Variants in TTC38 observed in about 807,000 individuals in gnomAD.
The protein encoded by TTC38 is tetratricopeptide repeat protein 38.
In TTC38, 64 loss-of-function variants were observed where a neutral mutation model predicts 64.2. That is an observed-to-expected ratio of 1.00 (90% confidence interval 0.81 to 1.23). The LOEUF is 1.23. TTC38 is among the 50% of genes most tolerant of loss of function. The pLI, the probability that TTC38 is intolerant of heterozygous loss-of-function variation, is 0.00. For missense variants in TTC38, 573 were observed against 615.5 expected, an observed-to-expected ratio of 0.93 and a Z score of 0.73; for synonymous variants, 254 against 249.3, an observed-to-expected ratio of 1.02 and a Z score of -0.18.
chr22:46,269,092 C>CA, intron 2 of TTC38: 1 of 418,250 alleles, frequency 2.4e-6, no homozygotes, highest in South Asian at 1.7e-5. Context: ...ATCTCTGCCC[C>CA]CCCCCCACAG....
intron 6 of TTC38, chr22:46,280,032 A>G (rs1423618002): frequency 6.8e-6 from 3 of 441,942 alleles, no homozygotes; most frequent in Non-Finnish European, 1.4e-5. Context: ...TCCCTTCTCC[A>G]TTGCTCCCCT....
rs555324724 is a variant in TTC38 at position 46,289,898 on chromosome 22, C to T, written c.1315C>T (p.Arg439Trp). ...CTSSVHKNVA[R>W]SLLMERDALK... ...CTCCAGCGTCCATAAGAACGTAGCCCGGTGAGCTCCTGGCCCCTGCCCAGC... is the reference window on the plus strand; with the variant it reads ...CTCCAGCGTCCATAAGAACGTAGCCTGGTGAGCTCCTGGCCCCTGCCCAGC... Residue 439 changes from arginine to tryptophan, a missense_variant and splice_region_variant, in exon 13 of 14, where the codon CGG (arginine) becomes TGG (tryptophan). Around this residue, in one of 3 missense-constraint regions of TTC38, gnomAD observed 371 missense variants for 381.8 expected, o/e 0.97. Transcript: ENST00000381031. The T allele has an allele frequency of 1.1e-5, 18 of 1,613,926 alleles. No homozygotes were observed. The highest frequency in any genetic ancestry group is 1.0e-4 in the Admixed American group (6 of 60,024).
In TTC38 at chr22:46,271,541, G is replaced by T. The variant is rs950668516; in HGVS notation, c.112-794G>T. ...TTTTTTCCTTTTCTCTGTCACCCAG[G>T]CTGGGGTGCAGTGGCACGATCTCAG... On this transcript the variant is annotated intron_variant, in intron 2 of 13. Transcript: ENST00000381031. The surrounding 1 kb of genome is among the most constrained non-coding windows in gnomAD (Gnocchi z 5.5). Among the ~76,000 whole-genome samples, 2 of 152,096 alleles carry T rather than the reference G, an allele frequency of 1.3e-5. No individual in the cohort carries two copies. The highest frequency in any genetic ancestry group is 1.3e-4 in the Admixed American group (2 of 15,274).
Position 46,293,913 on chromosome 22 carries a change from G to C in TTC38, c.*1029G>C, listed in dbSNP as rs2077634918. The C allele has an allele frequency of 6.6e-6, 1 of 152,264 alleles. No individual in the cohort carries two copies. The highest frequency in any genetic ancestry group is 2.1e-4 in the South Asian group (1 of 4,828). 9.4% of individuals were successfully genotyped at this position (152,264 alleles called of 1,614,324 possible). A position where few individuals can be genotyped will look rare whatever the true frequency, so the allele number is the denominator to read the frequency against. On this transcript the variant is annotated 3_prime_UTR_variant, in exon 14 of 14. Transcript: ENST00000381031. The surrounding 1 kb of genome is among the most constrained non-coding windows in gnomAD (Gnocchi z 6.6). ...GGGCAGGAAGCAGGCAGGCCTCTCAGAAGGGAGAGGAGGCCTCCAAATCTA... is the reference window on the plus strand; with the variant it reads ...GGGCAGGAAGCAGGCAGGCCTCTCACAAGGGAGAGGAGGCCTCCAAATCTA...
At chr22:46,286,756 C>T (rs761048544) in intron 9 of TTC38, among the ~76,000 whole-genome samples, 33 of 152,184 alleles carry the variant, frequency 2.2e-4, no homozygotes, top group Non-Finnish European at 3.8e-4. Context: ...GAAACGTGAT[C>T]GGGCAGACAG....
chr22:46,287,780 G>A (rs185632389), intron 10 of TTC38, among the ~76,000 whole-genome samples: 1 of 152,370 alleles, frequency 6.6e-6, no homozygotes, highest in East Asian at 1.9e-4. Context: ...ATGGCAGGCT[G>A]TTTCTAGAGA....
chr22:46,283,851 CAAAAAAAAAAA>C (rs58477670), intron 7 of TTC38, 111 bp from the exon 8 acceptor site: 11 of 210,764 alleles, frequency 5.2e-5, no homozygotes, highest in Middle Eastern at 1.7e-3. Flanking sequence ...GACTTAGTCT[CAAAAAAAAAAA>C]AAAAAAAAAA....
chr22:46,272,422 T>A lies in TTC38; in HGVS notation c.193+6T>A, dbSNP rs373943951. The A allele has an allele frequency of 1.4e-5, 23 of 1,611,476 alleles. No individual in the cohort carries two copies. Among genetic ancestry groups the A allele is most frequent in the Non-Finnish European group, 2.0e-5 (23 of 1,177,980 alleles). ...AGCAGCAGATCCAACCTTTGGTGAG[T>A]AACGCCTTCCCTGGGTGGAGGAGCC... On this transcript the variant is annotated splice_donor_region_variant and intron_variant, in intron 3 of 13. Transcript: ENST00000381031. This position sits in a 1 kb window ranked among gnomAD's most constrained non-coding sequence, Gnocchi z 6.4.
intron 6 of TTC38, among the ~76,000 whole-genome samples, chr22:46,278,910 T>G (rs191348341): frequency 6.6e-6 from 1 of 152,274 alleles, no homozygotes; most frequent in Admixed American, 6.5e-5. Flanking sequence ...CGTCTACAGA[T>G]GAGGTTGATG....
At position 46,268,509 on chromosome 22, in the gene TTC38, T is replaced by G; in HGVS notation, c.34-5T>G. 1 of 1,614,094 alleles carries G rather than the reference T, an allele frequency of 6.2e-7. No individual in the cohort carries two copies. Among genetic ancestry groups the G allele is most frequent in the Non-Finnish European group, 8.5e-7 (1 of 1,180,018 alleles). On this transcript the variant is annotated splice_polypyrimidine_tract_variant and splice_region_variant and intron_variant, in intron 1 of 13. Coordinates refer to ENST00000381031, the MANE Select transcript of TTC38 (RefSeq NM_017931.4). ...GCACTGCTATTCCCTTCTTGCCGTC[T>G]GTAGGCCTGGAAGGATGCGAGGCTC... is the stretch of plus-strand genomic sequence containing the variant.
In TTC38 at chr22:46,273,659, C is replaced by T. The variant is rs181830076; in HGVS notation, c.194-239C>T. On this transcript the variant is annotated intron_variant, in intron 3 of 13. Transcript: ENST00000381031. The surrounding 1 kb of genome is among the most constrained non-coding windows in gnomAD (Gnocchi z 5.1). ...GGAAGGTGCTTTAGACACTGGCACTCAGCAGAATGCCCTCACTAGAAAAAT... is the reference window on the plus strand; with the variant it reads ...GGAAGGTGCTTTAGACACTGGCACTTAGCAGAATGCCCTCACTAGAAAAAT... Among the ~76,000 whole-genome samples, 2 of 152,354 alleles carry T rather than the reference C, an allele frequency of 1.3e-5. No homozygotes were observed. Among genetic ancestry groups the T allele is most frequent in the Admixed American group, 1.3e-4 (2 of 15,306 alleles).
In TTC38 at chr22:46,278,666, G is replaced by A. The variant is rs960023295; in HGVS notation, c.615+5G>A. 3.7e-6 allele frequency: 6 copies of A among 1,613,730 alleles called. No individual in the cohort carries two copies. The African/African-American group carries it at 4.0e-5, about 11-fold the overall frequency. ...GCAGAAAAACTCGCCAAAGAGGTAA[G>A]TGGGTCCTTCCTAAGGTGCCTGACC... On this transcript the variant is annotated splice_donor_5th_base_variant and intron_variant, in intron 6 of 13. Transcript: ENST00000381031.
chr22:46,289,311 C>A, intron 11 of TTC38, 91 bp from the exon 12 acceptor site: 1 of 1,495,526 alleles, frequency 6.7e-7, no homozygotes. Context: ...GGCACTGGAC[C>A]AGGGACACCT....
rs1305810543 is a variant in TTC38, at chr22:46,271,243, C to CT, written c.112-1084dup. ...CTGCCTTTTCTTTCTTTTCTTTTTT[C>CT]TTTTTTTTCTTTTTTGAGACAGAGT... On this transcript the variant is annotated intron_variant, in intron 2 of 13. Transcript: ENST00000381031. This position sits in a 1 kb window ranked among gnomAD's most constrained non-coding sequence, Gnocchi z 5.5. Among the ~76,000 whole-genome samples, 4 of 151,896 alleles carry CT rather than the reference C, an allele frequency of 2.6e-5. No individual in the cohort carries two copies. The highest frequency in any genetic ancestry group is 2.1e-4 in the South Asian group (1 of 4,802).
In TTC38 at chr22:46,282,511, C is replaced by T. The variant is rs569091480; in HGVS notation, c.735+793C>T. ...CAGGGACACAGCGTCGCTCACTCAGCGTTTACTGAATACCTGCTTTGTATT... is the reference window on the plus strand; with the variant it reads ...CAGGGACACAGCGTCGCTCACTCAGTGTTTACTGAATACCTGCTTTGTATT... On this transcript the variant is annotated intron_variant, in intron 7 of 13. Transcript: ENST00000381031. The surrounding 1 kb of genome is among the most constrained non-coding windows in gnomAD (Gnocchi z 4.4). Among the ~76,000 whole-genome samples, 20 of 152,306 alleles carry T rather than the reference C, an allele frequency of 1.3e-4. No homozygotes were observed. The East Asian group carries it at 2.7e-3, about 21-fold the overall frequency.
At chr22:46,289,766 G>A (rs1340693665) in intron 12 of TTC38, 60 bp from the exon 13 acceptor site, 11 of 1,577,856 alleles carry the variant, frequency 7.0e-6, no homozygotes, top group South Asian at 1.1e-5. Context: ...CGCGGTGGGC[G>A]GGGGCTCGCC....
intron 6 of TTC38, among the ~76,000 whole-genome samples, chr22:46,280,645 A>G (rs1484208999): frequency 6.6e-6 from 1 of 152,156 alleles, no homozygotes; most frequent in African/African-American, 2.4e-5. Context: ...TCCCACATGG[A>G]GTGGGCTGGG....
intron 1 of TTC38, 27 bp downstream of exon 1, chr22:46,268,099 TCC>T: frequency 6.5e-7 from 1 of 1,532,222 alleles, no homozygotes; most frequent in Non-Finnish European, 8.7e-7. Context: ...CCCAACCAGG[TCC>T]CCCTCGGGCC....
Position 46,285,221 on chromosome 22 carries a change from G to A in TTC38, c.796-20G>A, listed in dbSNP as rs1401246033. The A allele has an allele frequency of 1.9e-6, 3 of 1,613,804 alleles. No individual in the cohort carries two copies. Among genetic ancestry groups the A allele is most frequent in the Middle Eastern group, 1.6e-4 (1 of 6,062 alleles). On this transcript the variant is annotated intron_variant, in intron 8 of 13. Transcript: ENST00000381031. ...CTTTGCCTTCTCCAGGGTTTAATAA[G>A]GAGAACTTTATTCTTCCAGGGCGAA...
Sources: gnomAD v4.1 joint callset for allele counts (sites outside exome capture counted in the v4.1 genomes callset) on GRCh38, gnomAD v4.1.1 for gene constraint, gnomAD v4.1.1 regional missense constraint, Gnocchi (gnomAD v3.1) non-coding constraint, MANE v1.5 for transcripts, NCBI Gene and HGNC (gene_info 2026-07-23, HGNC 2026-07-21) for gene names.